CREBRF: variants seen among roughly 807,000 people sequenced by gnomAD.
CREBRF encodes the protein CREB3 regulatory factor, also known as UPF0474 protein C5orf41.
In CREBRF, 5 loss-of-function variants were observed where a neutral mutation model predicts 66.1. The observed-to-expected ratio is 0.08, with a 90% CI of 0.04 to 0.16. The LOEUF (loss-of-function observed/expected upper bound fraction) is 0.16, where lower values mean the gene tolerates loss of function less well. Among genes scored for constraint, CREBRF ranks in the 10% least tolerant of loss-of-function variants. CREBRF has a pLI of 1.00. For synonymous variants in CREBRF, 229 were observed against 264.4 expected (o/e 0.87, Z 1.30); for missense variants, 531 against 744.9 (o/e 0.71, Z 3.34).
At chr5:173,069,173 A>C (rs1168715524) in intron 1 of CREBRF, among the ~76,000 whole-genome samples, 1 of 152,124 alleles carries the variant, frequency 6.6e-6, no homozygotes, top group Non-Finnish European at 1.5e-5. Context: ...TAGATCTGAG[A>C]ATAAAAATAG....
chr5:173,100,193 C>T (rs1758593351), intron 4 of CREBRF, among the ~76,000 whole-genome samples: 1 of 130,620 alleles, frequency 7.7e-6, no homozygotes, highest in East Asian at 2.3e-4. Flanking sequence ...CCAGGCTGGT[C>T]TCAAACTCTT....
chr5:173,067,830 C>T (rs1215838883), intron 1 of CREBRF, among the ~76,000 whole-genome samples: 1 of 152,060 alleles, frequency 6.6e-6, no homozygotes, highest in African/African-American at 2.4e-5. Flanking sequence ...GAAACCCCAT[C>T]TCTACTAAAA....
chr5:173,110,317 C>A (rs1469422117), intron 5 of CREBRF: 1 of 669,574 alleles, frequency 1.5e-6, no homozygotes, highest in Non-Finnish European at 2.8e-6. Context: ...CCATATCACC[C>A]CCATTTCCTG....
intron 2 of CREBRF, chr5:173,085,440 G>T: frequency 1.3e-6 from 1 of 766,610 alleles, no homozygotes; most frequent in South Asian, 1.6e-5. Flanking sequence ...TTTGGAGACG[G>T]AGTTTCGCTC....
At chr5:173,069,134 A>G (rs529818015) in intron 1 of CREBRF, among the ~76,000 whole-genome samples, 2 of 152,166 alleles carry the variant, frequency 1.3e-5, no homozygotes, top group African/African-American at 4.8e-5. Flanking sequence ...AATAGCAGCA[A>G]CATCCCAGGA....
At chr5:173,124,815 T>C (rs1053881953) in intron 8 of CREBRF, among the ~76,000 whole-genome samples, 1 of 152,056 alleles carries the variant, frequency 6.6e-6, no homozygotes, top group Non-Finnish European at 1.5e-5. Flanking sequence ...CTGTAGGGAC[T>C]CTTATTATCT....
rs982161211 is a variant in CREBRF, at chr5:173,059,333, C to T, written c.-192+2854C>T. Among the ~76,000 whole-genome samples, 3 of 138,098 alleles carry T rather than the reference C, an allele frequency of 2.2e-5. No individual in the cohort carries two copies. In the South Asian group the frequency reaches 6.6e-4, roughly 30 times the overall value. The allele number at this position is 138,098 out of a possible 152,430, so 90.6% of individuals were successfully genotyped here. A position where few individuals can be genotyped will look rare whatever the true frequency, so the allele number is the denominator to read the frequency against. On this transcript the variant is annotated intron_variant, in intron 1 of 8. Transcript: ENST00000296953. ...AGGCTGGAGTGCAGTGGGAAGATCT[C>T]GGCTCACTGCAATCTCCGCCTCCCG...
At chr5:173,085,818 T>C (rs1581675421) in intron 2 of CREBRF, 6 of 780,812 alleles carry the variant, frequency 7.7e-6, no homozygotes, top group Admixed American at 6.8e-5. Flanking sequence ...TCTGGAGTGA[T>C]AGGCTTCTGT....
At chr5:173,075,664 C>A (rs752069116) in intron 1 of CREBRF, among the ~76,000 whole-genome samples, 1 of 152,182 alleles carries the variant, frequency 6.6e-6, no homozygotes, top group Middle Eastern at 3.4e-3. Flanking sequence ...GTGGGGTATA[C>A]ACATTGTATA....
At chr5:173,058,637 T>C (rs1337813695) in intron 1 of CREBRF, among the ~76,000 whole-genome samples, 116 of 138,958 alleles carry the variant, frequency 8.3e-4, no homozygotes, top group African/African-American at 2.7e-3. Context: ...GCGCCCGCCA[T>C]CACGCCCGGC....
At position 173,117,149 on chromosome 5, in the gene CREBRF, T is replaced by C. The variant is rs558381177; in HGVS notation, c.1681+4770T>C. Among the ~76,000 whole-genome samples, 13 of 152,204 alleles carry C rather than the reference T, an allele frequency of 8.5e-5. No individual in the cohort carries two copies. In the South Asian group the frequency reaches 2.5e-3, roughly 29 times the overall value. On this transcript the variant is annotated intron_variant, in intron 7 of 8. Transcript: ENST00000296953. ...ATCTTAGCACTTTGGGAGGCTGATA[T>C]GGGTCAATCACCCGAGGTCAGGAGT...
At chr5:173,113,111 G>A (rs555236983) in intron 7 of CREBRF, among the ~76,000 whole-genome samples, 2 of 152,256 alleles carry the variant, frequency 1.3e-5, no homozygotes, top group Admixed American at 1.3e-4. Flanking sequence ...TCCCACTGCA[G>A]CCTCCTGGGT....
At chr5:173,056,609 G>A (rs537012297) in intron 1 of CREBRF, 130 bp downstream of exon 1, 6 of 389,558 alleles carry the variant, frequency 1.5e-5, no homozygotes, top group Middle Eastern at 6.5e-4. Context: ...GCGCGGGGCG[G>A]GGGCCGGGAC....
intron 8 of CREBRF, among the ~76,000 whole-genome samples, chr5:173,133,410 A>T (rs1304309896): frequency 6.6e-6 from 1 of 152,212 alleles, no homozygotes; most frequent in African/African-American, 2.4e-5. Context: ...ATGATTTTTC[A>T]TGGCTATCCT....
intron 7 of CREBRF, among the ~76,000 whole-genome samples, chr5:173,120,770 T>C (rs960391187): frequency 2.3e-5 from 3 of 132,788 alleles, no homozygotes; most frequent in Non-Finnish European, 3.1e-5. Context: ...CACAGCTCAC[T>C]GTAACCTCCG....
intron 1 of CREBRF, among the ~76,000 whole-genome samples, chr5:173,073,466 C>T (rs1165498416): frequency 1.3e-5 from 2 of 152,090 alleles, no homozygotes; most frequent in East Asian, 3.8e-4. Context: ...TATTTTGTCC[C>T]CAGTGGTAAT....
At chr5:173,116,805 C>G (rs1184213998) in intron 7 of CREBRF, among the ~76,000 whole-genome samples, 1 of 152,210 alleles carries the variant, frequency 6.6e-6, no homozygotes, top group Non-Finnish European at 1.5e-5. Flanking sequence ...AACTGCTAAA[C>G]TGTTTTCCCA....
At chr5:173,127,715 C>T (rs1405554362) in intron 8 of CREBRF, among the ~76,000 whole-genome samples, 1 of 152,166 alleles carries the variant, frequency 6.6e-6, no homozygotes, top group Non-Finnish European at 1.5e-5. Flanking sequence ...ACCTCAGCCT[C>T]CCAAAGTGCT....
At chr5:173,062,548 A>T (rs1757306224) in intron 1 of CREBRF, among the ~76,000 whole-genome samples, 1 of 151,992 alleles carries the variant, frequency 6.6e-6, no homozygotes, top group Non-Finnish European at 1.5e-5. Flanking sequence ...TTCCTTTGTT[A>T]ATTTGTTTTC....
Sources: gnomAD v4.1 joint callset for allele counts (sites outside exome capture counted in the v4.1 genomes callset) on GRCh38, gnomAD v4.1.1 for gene constraint, MANE v1.5 for transcripts, NCBI Gene and HGNC (gene_info 2026-07-23, HGNC 2026-07-21) for gene names.